The following WEE2 variants were observed in gnomAD, a reference collection of about 807,000 sequenced individuals.
WEE2 encodes the protein wee1-like protein kinase 2.
Under a neutral mutation model 60.1 loss-of-function variants are expected in WEE2, and 50 were observed. That is an observed-to-expected ratio of 0.83 (90% CI 0.66 to 1.05). The LOEUF (loss-of-function observed/expected upper bound fraction) is 1.05. WEE2 is among the 50% of genes least tolerant of loss of function. The probability of loss-of-function intolerance (pLI) is 0.00; values close to 1 mark genes in which losing one functional copy is unlikely to be tolerated. For synonymous variants in WEE2, 240 were observed against 241.0 expected (o/e 1.00, Z 0.04); for missense variants, 631 against 684.3 (o/e 0.92, Z 0.87).
At position 141,724,009 on chromosome 7, in the gene WEE2, G is replaced by T. The variant is rs1427084606; in HGVS notation, c.1096G>T (p.Ala366Ser). The T allele has an allele frequency of 2.5e-6, 4 of 1,613,370 alleles. No homozygotes were observed. Among genetic ancestry groups the T allele is most frequent in the Non-Finnish European group, 3.4e-6 (4 of 1,179,846 alleles). The part of the protein sequence containing the change: ...SGVIEEVENE[A>S]DWFLSANVMY... Reference sequence around the variant, plus strand: ...AGTCATAGAAGAAGTTGAAAATGAAGCTGATTGGTTTCTCTCTGCCAATGT... The same window carrying T: ...AGTCATAGAAGAAGTTGAAAATGAATCTGATTGGTTTCTCTCTGCCAATGT... The change falls in exon 7 of 12, where the codon GCT (alanine) becomes TCT (serine). Residue 366 changes from alanine to serine, a missense_variant. Physicochemically the swap from Ala to Ser is moderately conservative, Grantham distance 99. Coordinates refer to ENST00000397541, the MANE Select transcript of WEE2 (RefSeq NM_001105558.1).
At chr7:141,724,300 A>G in intron 8 of WEE2, 25 bp downstream of exon 8, 3 of 1,581,096 alleles carry the variant, frequency 1.9e-6, no homozygotes, top group Non-Finnish European at 1.7e-6. Context: ...AATGGAGGGT[A>G]TTTTATAATC....
intron 5 of WEE2, among the ~76,000 whole-genome samples, chr7:141,722,206 C>T (rs181242364): frequency 9.2e-5 from 14 of 152,202 alleles, no homozygotes; most frequent in Non-Finnish European, 1.6e-4. Flanking sequence ...AAGTTCGAGA[C>T]GAGCCTGGCC....
At chr7:141,709,983 C>T (rs370191950) in intron 1 of WEE2, among the ~76,000 whole-genome samples, 3 of 152,168 alleles carry the variant, frequency 2.0e-5, no homozygotes, top group African/African-American at 7.2e-5. Context: ...GACTGCGACA[C>T]AGTTGCTATC....
chr7:141,720,190 C>T (rs1230354018), intron 4 of WEE2, among the ~76,000 whole-genome samples: 2 of 111,602 alleles, frequency 1.8e-5, no homozygotes, highest in African/African-American at 6.8e-5. Context: ...GAATCTAGCT[C>T]TGTTGCCCAG....
Position 141,729,524 on chromosome 7 carries a change from A to G in WEE2, c.1536-7A>G. The G allele has an allele frequency of 6.2e-7, 1 of 1,614,186 alleles. No homozygotes were observed. Among genetic ancestry groups the G allele is most frequent in the Non-Finnish European group, 8.5e-7 (1 of 1,180,020 alleles). On this transcript the variant is annotated splice_region_variant and splice_polypyrimidine_tract_variant and intron_variant, in intron 10 of 11. Transcript: ENST00000397541. ...GTAGCCTTTGCTTTTTCTCCCTCGC[A>G]CTTCAGGGAACTGAGAGAAGCCCAG...
intron 9 of WEE2, 159 bp from the exon 10 acceptor site, chr7:141,727,145 C>T (rs1799031875): frequency 1.4e-6 from 1 of 697,232 alleles, no homozygotes; most frequent in Non-Finnish European, 2.4e-6. Context: ...ATCCTCCTGC[C>T]CCAGGTGGAG....
intron 10 of WEE2, chr7:141,727,724 G>A: frequency 2.7e-6 from 1 of 375,080 alleles, no homozygotes; most frequent in Non-Finnish European, 4.8e-6. Flanking sequence ...AGAAAACTTA[G>A]GATTCTAAGT....
intron 9 of WEE2, 45 bp downstream of exon 9, chr7:141,725,241 T>C (rs772429403): frequency 8.6e-5 from 136 of 1,577,532 alleles, no homozygotes; most frequent in Admixed American, 3.4e-4. Context: ...TATCTATTTT[T>C]TTAGTGCGAT....
At chr7:141,716,999 T>C (rs1798811525) in intron 3 of WEE2, among the ~76,000 whole-genome samples, 1 of 152,208 alleles carries the variant, frequency 6.6e-6, no homozygotes, top group Admixed American at 6.5e-5. Flanking sequence ...AAATGCCTGA[T>C]AATAGAAAAA....
intron 1 of WEE2, among the ~76,000 whole-genome samples, chr7:141,712,109 A>G (rs571551781): frequency 6.6e-6 from 1 of 152,184 alleles, no homozygotes; most frequent in South Asian, 2.1e-4. Flanking sequence ...GGGACTCATC[A>G]TATTGACTGG....
intron 1 of WEE2, among the ~76,000 whole-genome samples, chr7:141,709,437 G>T (rs1217999863): frequency 6.6e-6 from 1 of 152,292 alleles, no homozygotes; most frequent in East Asian, 1.9e-4. Context: ...TTACATATGA[G>T]AAAATGAAGG....
At chr7:141,720,278 C>T (rs1280883512) in intron 4 of WEE2, among the ~76,000 whole-genome samples, 1 of 150,872 alleles carries the variant, frequency 6.6e-6, no homozygotes, top group African/African-American at 2.4e-5. Flanking sequence ...GCCTTAGCCT[C>T]CCAAGTAGCT....
chr7:141,730,347 T>C lies in WEE2; in HGVS notation c.*27T>C, dbSNP rs372911999. 1.1e-5 allele frequency: 17 copies of C among 1,611,132 alleles called. No homozygotes were observed. The African/African-American group carries it at 2.3e-4, about 22-fold the overall frequency. On this transcript the variant is annotated 3_prime_UTR_variant, in exon 12 of 12. Coordinates refer to ENST00000397541, the MANE Select transcript of WEE2 (RefSeq NM_001105558.1). ...GGAAGAAAAGGAAAACAGCCCTTGG[T>C]TTGGCCTATGGATTACGAGGTTGCT...
Position 141,711,854 on chromosome 7 carries a change from G to A in WEE2, c.343-2355G>A, listed in dbSNP as rs1462221117. On this transcript the variant is annotated intron_variant, in intron 1 of 11. Transcript: ENST00000397541. This position sits in a 1 kb window ranked among gnomAD's most constrained non-coding sequence, Gnocchi z 4.2. The stretch of plus-strand genomic sequence containing the variant: ...CATGGCAGAAGGTGGACAGAAACAA[G>A]GCAGCTTGTTACATGGTGAGAGAAA... The A allele has an allele frequency of 1.3e-5, 2 of 152,250 alleles. No individual in the cohort carries two copies. The highest frequency in any genetic ancestry group is 4.8e-5 in the African/African-American group (2 of 41,406). 9.4% of individuals were successfully genotyped at this position (152,250 alleles called of 1,614,324 possible). A position where few individuals can be genotyped will look rare whatever the true frequency, so the allele number is the denominator to read the frequency against.
At position 141,730,487 on chromosome 7, in the gene WEE2, T is replaced by C. The variant is rs1799120819; in HGVS notation, c.*167T>C. The C allele has an allele frequency of 1.6e-6, 1 of 608,004 alleles. No homozygotes were observed. The highest frequency in any genetic ancestry group is 2.3e-5 in the South Asian group (1 of 44,106). 37.7% of individuals were successfully genotyped at this position (608,004 alleles called of 1,614,324 possible). ...AAATGTGCCTGGATTTCCACAGCGC[T>C]TCCCAGGTTATATGATGCTGTTCCT... On this transcript the variant is annotated 3_prime_UTR_variant, in exon 12 of 12. Coordinates refer to ENST00000397541, the MANE Select transcript of WEE2 (RefSeq NM_001105558.1).
intron 6 of WEE2, among the ~76,000 whole-genome samples, 180 bp downstream of exon 6, chr7:141,723,460 C>T (rs1366497813): frequency 6.6e-6 from 1 of 152,008 alleles, no homozygotes; most frequent in African/African-American, 2.4e-5. Flanking sequence ...CTAGGCCCAA[C>T]AGACATAGAA....
At chr7:141,717,535 T>C (rs1798827698) in intron 3 of WEE2, among the ~76,000 whole-genome samples, 1 of 152,338 alleles carries the variant, frequency 6.6e-6, no homozygotes, top group Non-Finnish European at 1.5e-5. Flanking sequence ...AGGAAAAACA[T>C]CTGGCCAAAC....
intron 9 of WEE2, among the ~76,000 whole-genome samples, chr7:141,726,300 G>A (rs1432563408): frequency 6.6e-6 from 1 of 150,946 alleles, no homozygotes; most frequent in Non-Finnish European, 1.5e-5. Flanking sequence ...TTATTTTTTG[G>A]GACAGGGTCT....
intron 2 of WEE2, 101 bp downstream of exon 2, chr7:141,714,506 G>C: frequency 1.1e-6 from 1 of 912,478 alleles, no homozygotes; most frequent in Middle Eastern, 3.4e-4. Context: ...AACTCTATTT[G>C]AATGAAATGT....
Sources: gnomAD v4.1 joint callset for allele counts (sites outside exome capture counted in the v4.1 genomes callset) on GRCh38, gnomAD v4.1.1 for gene constraint, Gnocchi (gnomAD v3.1) non-coding constraint, MANE v1.5 for transcripts, NCBI Gene and HGNC (gene_info 2026-07-23, HGNC 2026-07-21) for gene names.